GALNTL6: variants seen among roughly 807,000 people sequenced by gnomAD.
GALNTL6 encodes polypeptide N-acetylgalactosaminyltransferase like 6.
Under a neutral mutation model 73.7 loss-of-function variants are expected in GALNTL6, and 46 were observed. The observed-to-expected ratio is 0.62, with a 90% confidence interval of 0.49 to 0.80. The LOEUF is 0.80. Ranked by LOEUF, GALNTL6 falls within the 30% of genes least tolerant of loss-of-function variation. The pLI is 0.00. For synonymous variants in GALNTL6, 259 were observed against 263.7 expected (o/e 0.98, Z 0.17); for missense variants, 604 against 755.0 (o/e 0.80, Z 2.34).
intron 5 of GALNTL6, among the ~76,000 whole-genome samples, chr4:172,526,912 C>T (rs1734977703): frequency 1.4e-5 from 2 of 143,694 alleles, no homozygotes; most frequent in South Asian, 2.4e-4. Flanking sequence ...CATTTGGCTT[C>T]GCTTTAGTGT....
At chr4:172,648,636 G>A (rs566530078) in intron 5 of GALNTL6, among the ~76,000 whole-genome samples, 2 of 152,234 alleles carry the variant, frequency 1.3e-5, no homozygotes, top group East Asian at 3.9e-4. Flanking sequence ...CATTCATTCA[G>A]TGAACAGTAT....
intron 5 of GALNTL6, among the ~76,000 whole-genome samples, chr4:172,349,829 A>AT (rs57134114): frequency 0.29 from 23,501 of 82,084 alleles, 2,272 homozygotes; most frequent in East Asian, 0.45. Context: ...AATTAAAAAA[A>AT]AATATATATA....
intron 10 of GALNTL6, among the ~76,000 whole-genome samples, chr4:172,984,894 G>T (rs867914901): frequency 6.6e-6 from 1 of 152,074 alleles, no homozygotes; most frequent in Non-Finnish European, 1.5e-5. Context: ...CATTTTTTAT[G>T]CAACAGTGGA....
At chr4:172,001,451 G>C (rs1740668911) in intron 2 of GALNTL6, among the ~76,000 whole-genome samples, 2 of 152,146 alleles carry the variant, frequency 1.3e-5, no homozygotes, top group Non-Finnish European at 2.9e-5. Context: ...CTTGCTTCAT[G>C]ATAAAATGAA....
intron 2 of GALNTL6, among the ~76,000 whole-genome samples, chr4:172,094,416 AG>A (rs1294203337): frequency 6.6e-6 from 1 of 152,082 alleles, no homozygotes; most frequent in African/African-American, 2.4e-5. Context: ...TTTCTTATAA[AG>A]TTTTCTACTC....
Position 171,975,555 on chromosome 4 carries a change from T to G in GALNTL6, c.138+160837T>G, listed in dbSNP as rs77275298. ...AGATTAGGCTGAACTGGGGCTAGTT[T>G]TTCATTGAATTGGAACTTAAAAGAC... On this transcript the variant is annotated intron_variant, in intron 2 of 12. Transcript: ENST00000506823. Among the ~76,000 whole-genome samples, 1,400 of 143,074 alleles carry G rather than the reference T, an allele frequency of 9.8e-3. 26 individuals carry two copies. Among genetic ancestry groups the G allele is most frequent in the African/African-American group, 0.039 (1,337 of 34,102 alleles). 93.9% of individuals were successfully genotyped at this position (143,074 alleles called of 152,430 possible). A position where few individuals can be genotyped will look rare whatever the true frequency, so the allele number is the denominator to read the frequency against.
chr4:172,769,986 G>A (rs993893849), intron 5 of GALNTL6, among the ~76,000 whole-genome samples: 4 of 152,072 alleles, frequency 2.6e-5, no homozygotes, highest in African/African-American at 9.7e-5. Flanking sequence ...TTTTATAGCT[G>A]GGCGCGGTGG....
chr4:171,916,239 T>A (rs529268163), intron 2 of GALNTL6, among the ~76,000 whole-genome samples: 160 of 152,172 alleles, frequency 1.1e-3, no homozygotes, highest in African/African-American at 3.5e-3. Flanking sequence ...ATCTAAAATA[T>A]CTAGAAAAGA....
chr4:171,902,892 A>G (rs530243560), intron 2 of GALNTL6, among the ~76,000 whole-genome samples: 1 of 152,304 alleles, frequency 6.6e-6, no homozygotes, highest in East Asian at 1.9e-4. Flanking sequence ...CCTATCAAGA[A>G]GGTCAATATA....
At chr4:172,725,384 T>C (rs904426411) in intron 5 of GALNTL6, among the ~76,000 whole-genome samples, 3 of 152,162 alleles carry the variant, frequency 2.0e-5, no homozygotes, top group Admixed American at 2.0e-4. Flanking sequence ...ATGCAGAATT[T>C]CTCAGAGCAT....
At chr4:172,016,699 A>C (rs1206600776) in intron 2 of GALNTL6, among the ~76,000 whole-genome samples, 4 of 151,940 alleles carry the variant, frequency 2.6e-5, no homozygotes, top group Non-Finnish European at 4.4e-5. Context: ...ATTTGGGTAG[A>C]CTATTTCTTA....
At chr4:172,053,388 T>C (rs920033698) in intron 2 of GALNTL6, among the ~76,000 whole-genome samples, 2 of 152,090 alleles carry the variant, frequency 1.3e-5, no homozygotes, top group African/African-American at 2.4e-5. Flanking sequence ...CCAAAACCTA[T>C]GAGCATTGAT....
chr4:172,260,437 T>C (rs1738219132), intron 3 of GALNTL6, among the ~76,000 whole-genome samples: 1 of 151,796 alleles, frequency 6.6e-6, no homozygotes, highest in Admixed American at 6.6e-5. Context: ...GTGCTACTGA[T>C]TTGTGTACAT....
chr4:172,911,023 T>C (rs1324056777), intron 8 of GALNTL6, among the ~76,000 whole-genome samples: 1 of 152,228 alleles, frequency 6.6e-6, no homozygotes, highest in African/African-American at 2.4e-5. Flanking sequence ...GCCTCCACAC[T>C]TGCTAACTTG....
At chr4:172,450,575 T>A (rs1337038986) in intron 5 of GALNTL6, among the ~76,000 whole-genome samples, 1 of 152,232 alleles carries the variant, frequency 6.6e-6, no homozygotes, top group Non-Finnish European at 1.5e-5. Context: ...ACCTCCTGCT[T>A]AAACCTTCAA....
intron 5 of GALNTL6, among the ~76,000 whole-genome samples, chr4:172,496,278 C>A (rs1303105795): frequency 1.3e-5 from 2 of 152,128 alleles, no homozygotes; most frequent in Non-Finnish European, 2.9e-5. Context: ...ATAGAATGTA[C>A]TACAAGAGTA....
intron 2 of GALNTL6, among the ~76,000 whole-genome samples, chr4:172,216,253 T>C (rs1373241231): frequency 6.6e-6 from 1 of 152,154 alleles, no homozygotes; most frequent in African/African-American, 2.4e-5. Flanking sequence ...TTAGTTTTTG[T>C]TTGTGAAAAT....
Position 172,633,874 on chromosome 4 carries a change from T to C in GALNTL6, c.554-175487T>C, listed in dbSNP as rs142119428. 3.3e-3 allele frequency among the ~76,000 whole-genome samples: 497 copies of C among 152,288 alleles called. 2 individuals are homozygous for C. Among genetic ancestry groups the C allele is most frequent in the African/African-American group, 0.011 (474 of 41,546 alleles). On this transcript the variant is annotated intron_variant, in intron 5 of 12. Transcript: ENST00000506823. The stretch of plus-strand genomic sequence containing the variant: ...GATCTGATGGTTTTATAAATGGGAG[T>C]TCCCCTGCATAAGCTCTCTTGCCTG...
chr4:171,991,956 GA>G (rs1740349546), intron 2 of GALNTL6, among the ~76,000 whole-genome samples: 2 of 151,606 alleles, frequency 1.3e-5, no homozygotes, highest in South Asian at 4.2e-4. Flanking sequence ...ACTAATACAA[GA>G]CCAGCTCTTG....
Sources: gnomAD v4.1 joint callset for allele counts (sites outside exome capture counted in the v4.1 genomes callset) on GRCh38, gnomAD v4.1.1 for gene constraint, MANE v1.5 for transcripts, NCBI Gene and HGNC (gene_info 2026-07-23, HGNC 2026-07-21) for gene names.